DIS3: variants seen among roughly 807,000 people sequenced by gnomAD.
The protein encoded by DIS3 is exosome complex exonuclease RRP44.
Under a neutral mutation model 113.0 loss-of-function variants are expected in DIS3, and 103 were observed. That is an observed-to-expected ratio of 0.91 (90% CI 0.78 to 1.07). DIS3 has a LOEUF of 1.07. DIS3 is among the 50% of genes least tolerant of loss of function. DIS3 has a pLI of 0.00. For missense variants in DIS3, 1,121 were observed against 1,167.1 expected, an observed-to-expected ratio of 0.96 and a Z score of 0.58; for synonymous variants, 402 against 394.3, an observed-to-expected ratio of 1.02 and a Z score of -0.23.
chr13:72,762,981 T>C (rs1320854760), intron 16 of DIS3, among the ~76,000 whole-genome samples: 1 of 152,132 alleles, frequency 6.6e-6, no homozygotes, highest in African/African-American at 2.4e-5. Flanking sequence ...AACATCCAGC[T>C]TTAGCATAGG....
At position 72,756,350 on chromosome 13, in the gene DIS3, A is replaced by C. The variant is rs182139146; in HGVS notation, c.*3445T>G. The C allele has an allele frequency of 6.2e-6, 1 of 160,414 alleles. No homozygotes were observed. Among genetic ancestry groups the C allele is most frequent in the Non-Finnish European group, 1.4e-5 (1 of 73,804 alleles). 9.9% of individuals were successfully genotyped at this position (160,414 alleles called of 1,614,324 possible). ...GACATGGCTACAGATACTACATTGG[A>C]AAGTTGTCTTTAATCACACAGGTGT... On this transcript the variant is annotated 3_prime_UTR_variant, in exon 21 of 21. Transcript: ENST00000377767.
Position 72,763,552 on chromosome 13 carries a change from T to C in DIS3, c.2026A>G (p.Lys676Glu). 2.5e-6 allele frequency: 4 copies of C among 1,613,878 alleles called. No homozygotes were observed. The highest frequency in any genetic ancestry group is 3.4e-6 in the Non-Finnish European group (4 of 1,179,962). ...FMLLANISVA[K>E]KIHEEFSEHA... is the part of the protein sequence containing the mutation. ...TCAGAAAATTCCTCATGAATTTTTT[T>C]TGCAACAGAAATATTGGCAAGTAAC... Residue 676 changes from lysine (K) to glutamate (E), a missense_variant, in exon 16 of 21, where the codon AAA (lysine) becomes GAA (glutamate). This residue lies in a region of DIS3 where 861 missense variants were observed against 915.5 expected (regional missense o/e 0.94). Coordinates refer to ENST00000377767, the MANE Select transcript of DIS3 (RefSeq NM_014953.5).
In DIS3 at chr13:72,756,178, T is replaced by TAATTCATATGTACCCTTAGG. The variant is rs1555273819; in HGVS notation, c.*3616_*3617insCCTAAGGGTACATATGAATT. On this transcript the variant is annotated 3_prime_UTR_variant, in exon 21 of 21. Coordinates refer to ENST00000377767, the MANE Select transcript of DIS3 (RefSeq NM_014953.5). The stretch of plus-strand genomic sequence containing the variant: ...AAAAACTGTCTCATTCAAAAGGGAA[T>TAATTCATATGTACCCTTAGG]AAAGACCTGTGTTATCAATGTGTCA... 2.7e-6 allele frequency: 1 copy of TAATTCATATGTACCCTTAGG among 365,622 alleles called. No homozygotes were observed. Among genetic ancestry groups the TAATTCATATGTACCCTTAGG allele is most frequent in the Non-Finnish European group, 4.8e-6 (1 of 206,392 alleles). The allele number at this position is 365,622 out of a possible 1,614,324, so 22.6% of individuals were successfully genotyped here. A position where few individuals can be genotyped will look rare whatever the true frequency, so the allele number is the denominator to read the frequency against.
chr13:72,780,900 T>A lies in DIS3; in HGVS notation c.332A>T (p.Asp111Val). The A allele has an allele frequency of 1.2e-6, 2 of 1,613,340 alleles. No homozygotes were observed. The highest frequency in any genetic ancestry group is 1.7e-6 in the Non-Finnish European group (2 of 1,179,816). ...RSAPVYKRIR[D>V]VTNNQEKHFY... Reference sequence around the variant, plus strand: ...ATGCTTCTCTTGGTTATTAGTCACATCTCGGATGCGTTTATATACGGGGGC... The same window carrying A: ...ATGCTTCTCTTGGTTATTAGTCACAACTCGGATGCGTTTATATACGGGGGC... Residue 111 changes from aspartate to valine, a missense_variant, in exon 2 of 21, where the codon GAT becomes GTT. Transcript: ENST00000377767.
chr13:72,760,399 G>T, intron 20 of DIS3, 130 bp downstream of exon 20: 1 of 1,103,202 alleles, frequency 9.1e-7, no homozygotes, highest in African/African-American at 1.6e-5. Flanking sequence ...GATTTGCTAT[G>T]CAAATATTTG....
rs564637809 is a variant in DIS3 at position 72,756,505 on chromosome 13, A to T, written c.*3290T>A. On this transcript the variant is annotated 3_prime_UTR_variant, in exon 21 of 21. Coordinates refer to ENST00000377767, the MANE Select transcript of DIS3 (RefSeq NM_014953.5). ...GTCAAGAAATAACACAATAGTGACT[A>T]TAACCTGTATTCAAATCCCTACTCT... The T allele has an allele frequency of 2.0e-5, 3 of 152,372 alleles. No homozygotes were observed. The South Asian group carries it at 6.2e-4, about 32-fold the overall frequency. 9.4% of individuals were successfully genotyped at this position (152,372 alleles called of 1,614,324 possible). A position where few individuals can be genotyped will look rare whatever the true frequency, so the allele number is the denominator to read the frequency against.
In DIS3 at chr13:72,753,617, T is replaced by C. The variant is rs1566230924; in HGVS notation, c.*6178A>G. 5.5e-6 allele frequency: 8 copies of C among 1,449,792 alleles called. No individual in the cohort carries two copies. Among genetic ancestry groups the C allele is most frequent in the Non-Finnish European group, 6.6e-6 (7 of 1,054,772 alleles). 89.8% of individuals were successfully genotyped at this position (1,449,792 alleles called of 1,614,324 possible). ...TTCAGATGTAGTGAATGAGAGTTTATAGTGGTTTACTTATTTAAATATTTG... is the reference window on the plus strand; with the variant it reads ...TTCAGATGTAGTGAATGAGAGTTTACAGTGGTTTACTTATTTAAATATTTG... On this transcript the variant is annotated 3_prime_UTR_variant, in exon 21 of 21. Transcript: ENST00000377767.
chr13:72,759,624 A>C lies in DIS3; in HGVS notation c.*171T>G. 5 of 572,020 alleles carry C rather than the reference A, an allele frequency of 8.7e-6. No individual in the cohort carries two copies. The highest frequency in any genetic ancestry group is 1.6e-5 in the Non-Finnish European group (5 of 322,152). 35.4% of individuals were successfully genotyped at this position (572,020 alleles called of 1,614,324 possible). ...ATTCTGTTCAACCCAGAAGTATAGT[A>C]GTATGATGGGTCAGATACAGTCAAC... On this transcript the variant is annotated 3_prime_UTR_variant, in exon 21 of 21. Coordinates refer to ENST00000377767, the MANE Select transcript of DIS3 (RefSeq NM_014953.5).
In DIS3 at chr13:72,775,398, C is replaced by T. The variant is rs760771076; in HGVS notation, c.823-23G>A. Reference sequence around the variant, plus strand: ...TATCTGTTTAAAACAACAGAGGGCACGTGCCCAAATTATTTTTAATGGCAA... The same window carrying T: ...TATCTGTTTAAAACAACAGAGGGCATGTGCCCAAATTATTTTTAATGGCAA... On this transcript the variant is annotated intron_variant, in intron 5 of 20. Transcript: ENST00000377767. 3.1e-5 allele frequency: 48 copies of T among 1,556,832 alleles called. No individual in the cohort carries two copies. The East Asian group carries it at 7.4e-4, about 24-fold the overall frequency.
intron 14 of DIS3, 111 bp from the exon 15 acceptor site, chr13:72,766,169 G>T: frequency 1.2e-6 from 1 of 863,588 alleles, no homozygotes; most frequent in Non-Finnish European, 1.7e-6. Context: ...TGTAATAGTT[G>T]CTCTTCTGAA....
intron 20 of DIS3, 30 bp from the exon 21 acceptor site, chr13:72,759,908 G>T (rs753366976): frequency 8.4e-6 from 13 of 1,544,862 alleles, no homozygotes; most frequent in Non-Finnish European, 1.2e-5. Context: ...GGGAAATAAG[G>T]TGATTTAAAG....
At chr13:72,760,749 A>G in intron 19 of DIS3, 98 bp from the exon 20 acceptor site, 1 of 1,412,458 alleles carries the variant, frequency 7.1e-7, no homozygotes, top group Non-Finnish European at 9.4e-7. Context: ...AAGTTTAAAT[A>G]TAAAAATTAG....
Position 72,754,499 on chromosome 13 carries a change from T to C in DIS3, c.*5296A>G, listed in dbSNP as rs1036047235. 2 of 151,994 alleles carry C rather than the reference T, an allele frequency of 1.3e-5. No individual in the cohort carries two copies. The highest frequency in any genetic ancestry group is 2.4e-5 in the African/African-American group (1 of 41,414). 9.4% of individuals were successfully genotyped at this position (151,994 alleles called of 1,614,324 possible). On this transcript the variant is annotated 3_prime_UTR_variant, in exon 21 of 21. Transcript: ENST00000377767. Reference sequence around the variant, plus strand: ...TGTTATATGCCAGTTTCTTATAAAATACTATAAATATCAGCAAATGTGCAA... The same window carrying C: ...TGTTATATGCCAGTTTCTTATAAAACACTATAAATATCAGCAAATGTGCAA...
At chr13:72,764,123 G>T (rs1004868618) in intron 15 of DIS3, among the ~76,000 whole-genome samples, 1 of 152,138 alleles carries the variant, frequency 6.6e-6, no homozygotes. Context: ...CTGCACTCCA[G>T]GCTGGGTGAC....
In DIS3 at chr13:72,778,764, CA is replaced by C. The variant is rs2034083752; in HGVS notation, c.387-385del. ...TTTCATTCAAACTGTAGGTTAATAG[CA>C]ATTCCTAAAAGCTACAAATAGTATA... is the stretch of plus-strand genomic sequence containing the variant. On this transcript the variant is annotated intron_variant, in intron 2 of 20. Transcript: ENST00000377767. Among the ~76,000 whole-genome samples, 6 of 152,216 alleles carry C rather than the reference CA, an allele frequency of 3.9e-5. No homozygotes were observed. The South Asian group carries it at 1.2e-3, about 32-fold the overall frequency.
intron 2 of DIS3, among the ~76,000 whole-genome samples, chr13:72,778,720 C>T (rs2034082276): frequency 6.6e-6 from 1 of 152,094 alleles, no homozygotes; most frequent in African/African-American, 2.4e-5. Context: ...AATACAATTT[C>T]ACAGGTATGA....
intron 19 of DIS3, 31 bp from the exon 20 acceptor site, chr13:72,760,682 T>G (rs1156266580): frequency 5.0e-6 from 8 of 1,604,078 alleles, no homozygotes; most frequent in African/African-American, 1.3e-5. Context: ...CATTCTTAAT[T>G]GCTTCCTTAC....
At chr13:72,780,183 T>A (rs2034124981) in intron 2 of DIS3, among the ~76,000 whole-genome samples, 1 of 151,572 alleles carries the variant, frequency 6.6e-6, no homozygotes, top group Non-Finnish European at 1.5e-5. Flanking sequence ...AAAATTAGCC[T>A]GGCATAGTGG....
chr13:72,780,262 GTTGCAGTGAGCAGAGATCACACCA>G (rs1187929452), intron 2 of DIS3, among the ~76,000 whole-genome samples: 3 of 144,962 alleles, frequency 2.1e-5, no homozygotes, highest in African/African-American at 7.6e-5. Flanking sequence ...GGAGGTGGAG[GTTGCAGTGAGCAGAGATCACACCA>G]CTGCACTCCA....
Sources: gnomAD v4.1 joint callset for allele counts (sites outside exome capture counted in the v4.1 genomes callset) on GRCh38, gnomAD v4.1.1 for gene constraint, gnomAD v4.1.1 regional missense constraint, MANE v1.5 for transcripts, NCBI Gene and HGNC (gene_info 2026-07-23, HGNC 2026-07-21) for gene names.